The following RGS22 variants were observed in gnomAD, a reference collection of about 807,000 sequenced individuals.
RGS22 encodes the protein regulator of G protein signaling 22.
RGS22 carries 148 observed loss-of-function variants against 172.9 expected under a neutral mutation model. The ratio of observed to expected loss-of-function variants is 0.86; its 90% CI spans 0.75 to 0.98. The LOEUF is 0.98. Ranked by LOEUF, RGS22 falls within the 50% of genes least tolerant of loss-of-function variation. RGS22 has a pLI of 0.00. For synonymous variants in RGS22, 458 were observed against 480.2 expected, an observed-to-expected ratio of 0.95 and a Z score of 0.60; for missense variants, 1,347 against 1,440.8, an observed-to-expected ratio of 0.93 and a Z score of 1.05.
At chr8:100,076,722 G>A (rs1029443958) in intron 4 of RGS22, among the ~76,000 whole-genome samples, 3 of 152,184 alleles carry the variant, frequency 2.0e-5, no homozygotes, top group Non-Finnish European at 4.4e-5. Context: ...GCCGGGCACG[G>A]TGGTTCATCC....
At chr8:100,038,331 CTA>C (rs1462045874) in intron 14 of RGS22, among the ~76,000 whole-genome samples, 10 of 92,310 alleles carry the variant, frequency 1.1e-4, no homozygotes, top group Non-Finnish European at 2.2e-4. Context: ...TCTTCCCCCT[CTA>C]TTTTTTTTTT....
chr8:99,963,728 A>C (rs1810441023), intron 24 of RGS22, among the ~76,000 whole-genome samples: 1 of 152,196 alleles, frequency 6.6e-6, no homozygotes, highest in Non-Finnish European at 1.5e-5. Flanking sequence ...GATTCGAAGT[A>C]TATGAGAGGA....
At chr8:100,010,381 G>A (rs956951905) in intron 14 of RGS22, among the ~76,000 whole-genome samples, 4 of 152,116 alleles carry the variant, frequency 2.6e-5, no homozygotes, top group African/African-American at 9.7e-5. Flanking sequence ...AGCTACTCAG[G>A]AGGCTGAGGC....
At chr8:99,969,287 A>G (rs1811080482) in intron 23 of RGS22, among the ~76,000 whole-genome samples, 1 of 152,246 alleles carries the variant, frequency 6.6e-6, no homozygotes. Flanking sequence ...CTGCAAAAAC[A>G]TACCAAAATG....
At chr8:99,980,915 A>G (rs1472283955) in intron 22 of RGS22, among the ~76,000 whole-genome samples, 3 of 152,178 alleles carry the variant, frequency 2.0e-5, no homozygotes, top group Non-Finnish European at 4.4e-5. Flanking sequence ...GTTTCTCTAT[A>G]GCACGTCCTC....
At chr8:100,086,616 C>A (rs1358052731) in intron 3 of RGS22, among the ~76,000 whole-genome samples, 1 of 151,896 alleles carries the variant, frequency 6.6e-6, no homozygotes, top group Non-Finnish European at 1.5e-5. Flanking sequence ...ATGCTCAGTA[C>A]CTAGGTGAAG....
At chr8:100,034,798 C>T (rs183027641) in intron 14 of RGS22, among the ~76,000 whole-genome samples, 47 of 152,192 alleles carry the variant, frequency 3.1e-4, no homozygotes, top group African/African-American at 1.1e-3. Flanking sequence ...TCAGAAATAA[C>T]ACCACATATC....
At position 100,053,011 on chromosome 8, in the gene RGS22, A is replaced by G. The variant is rs755729973; in HGVS notation, c.1515-35T>C. ...GGAAAAATAAATGTAAGATTGAACT[A>G]AACAACAAGCCTCAAAAATGAAAAG... is the stretch of plus-strand genomic sequence containing the variant. On this transcript the variant is annotated intron_variant, in intron 9 of 27. Transcript: ENST00000360863. 4 of 1,582,698 alleles carry G rather than the reference A, an allele frequency of 2.5e-6. No individual in the cohort carries two copies. The South Asian group carries it at 3.4e-5, about 13-fold the overall frequency.
At chr8:99,966,884 C>T (rs1421030105) in intron 23 of RGS22, among the ~76,000 whole-genome samples, 1 of 152,204 alleles carries the variant, frequency 6.6e-6, no homozygotes, top group Non-Finnish European at 1.5e-5. Flanking sequence ...CTGGCAACCT[C>T]TATTCTTTCT....
At chr8:100,024,496 AT>A (rs139915926) in intron 14 of RGS22, among the ~76,000 whole-genome samples, 6,071 of 152,278 alleles carry the variant, frequency 0.04, 420 homozygotes, top group African/African-American at 0.14. Context: ...CACCTTTTAT[AT>A]GGCACCTTCA....
chr8:99,968,192 CA>C (rs1221926837), intron 23 of RGS22, among the ~76,000 whole-genome samples: 1 of 152,058 alleles, frequency 6.6e-6, no homozygotes, highest in Non-Finnish European at 1.5e-5. Context: ...ATCACATCAA[CA>C]AAAAGGGCAC....
chr8:100,091,044 A>G (rs1460679311), intron 3 of RGS22, among the ~76,000 whole-genome samples: 4 of 152,152 alleles, frequency 2.6e-5, no homozygotes. Flanking sequence ...TTAGTTTGGC[A>G]TACTTACTCT....
intron 18 of RGS22, among the ~76,000 whole-genome samples, chr8:100,001,219 T>TATATATATATATATATATATATACAC (rs1402594104): frequency 7.5e-6 from 1 of 132,966 alleles, no homozygotes; most frequent in African/African-American, 2.8e-5. Context: ...TATATATATA[T>TATATATATATATATATATATATACAC]ACATATATAT....
intron 21 of RGS22, among the ~76,000 whole-genome samples, chr8:99,984,703 C>T (rs557206912): frequency 5.9e-5 from 9 of 152,094 alleles, no homozygotes; most frequent in Admixed American, 3.3e-4. Flanking sequence ...GTTTTGATCA[C>T]AGTTGTATCC....
intron 6 of RGS22, among the ~76,000 whole-genome samples, chr8:100,067,724 A>G (rs1484711929): frequency 6.7e-6 from 1 of 149,824 alleles, no homozygotes; most frequent in Admixed American, 6.7e-5. Flanking sequence ...TACTGGGTTC[A>G]AGCAATTCTC....
At chr8:100,007,312 C>T (rs1449606353) in intron 15 of RGS22, among the ~76,000 whole-genome samples, 2 of 152,094 alleles carry the variant, frequency 1.3e-5, no homozygotes, top group African/African-American at 2.4e-5. Flanking sequence ...TTAATATAAA[C>T]GTATACATAG....
intron 2 of RGS22, among the ~76,000 whole-genome samples, chr8:100,098,057 C>T (rs919225107): frequency 1.3e-5 from 2 of 152,114 alleles, no homozygotes; most frequent in Non-Finnish European, 2.9e-5. Context: ...AAAAATTTTC[C>T]CCTTTATTCA....
intron 16 of RGS22, among the ~76,000 whole-genome samples, chr8:100,005,265 T>G (rs189190288): frequency 6.6e-6 from 1 of 152,282 alleles, no homozygotes; most frequent in East Asian, 1.9e-4. Flanking sequence ...CAGAGTTAAC[T>G]ATCTTTAATA....
At chr8:100,058,523 TA>T (rs938461366) in intron 9 of RGS22, among the ~76,000 whole-genome samples, 3 of 152,126 alleles carry the variant, frequency 2.0e-5, no homozygotes, top group Non-Finnish European at 2.9e-5. Context: ...AGAAACATTA[TA>T]GGCCACGAGA....
Sources: allele counts gnomAD v4.1 joint callset (sites outside exome capture counted in the v4.1 genomes callset), GRCh38; gene constraint gnomAD v4.1.1; transcripts MANE v1.5; gene names NCBI Gene and HGNC (gene_info 2026-07-23, HGNC 2026-07-21).